Variants in YARS1 observed in about 807,000 individuals in gnomAD.
The protein encoded by YARS1 is tyrosine--tRNA ligase, cytoplasmic.
YARS1 carries 36 observed loss-of-function variants against 62.2 expected under a neutral mutation model. The observed-to-expected ratio is 0.58, with a 90% CI of 0.44 to 0.76. The LOEUF (loss-of-function observed/expected upper bound fraction) is 0.76. Ranked by LOEUF, YARS1 falls within the 30% of genes least tolerant of loss-of-function variation. The pLI is 0.00. For synonymous variants in YARS1, 234 were observed against 244.9 expected, an observed-to-expected ratio of 0.96 and a Z score of 0.42; for missense variants, 524 against 639.8, an observed-to-expected ratio of 0.82 and a Z score of 1.95.
At chr1:32,790,617 G>C (rs542990379) in intron 6 of YARS1, 1 of 151,198 alleles carries the variant, frequency 6.6e-6, no homozygotes. Context: ...AATCTCTATG[G>C]ACAAGGTCTA....
In YARS1 at chr1:32,817,319, C is replaced by T; in HGVS notation, c.-75G>A. Reference sequence around the variant, plus strand: ...CCTGGGTCACCGTCGCCGCCGCGTGCCGGGAACTGTCACGCGAGTCCAGCC... The same window carrying T: ...CCTGGGTCACCGTCGCCGCCGCGTGTCGGGAACTGTCACGCGAGTCCAGCC... On this transcript the variant is annotated 5_prime_UTR_variant, in exon 1 of 13. Transcript: ENST00000373477. 1 of 1,579,418 alleles carries T rather than the reference C, an allele frequency of 6.3e-7. No homozygotes were observed. The highest frequency in any genetic ancestry group is 8.7e-7 in the Non-Finnish European group (1 of 1,153,610).
At chr1:32,799,871 G>A (rs906651033) in intron 4 of YARS1, among the ~76,000 whole-genome samples, 3 of 151,990 alleles carry the variant, frequency 2.0e-5, no homozygotes, top group Non-Finnish European at 2.9e-5. Context: ...GTCTTGCTAC[G>A]TTGCCTAGGC....
chr1:32,797,551 T>G, intron 5 of YARS1: 1 of 589,254 alleles, frequency 1.7e-6, no homozygotes, highest in Non-Finnish European at 3.0e-6. Flanking sequence ...CTCTGGAGTT[T>G]GAAAGATCTG....
intron 8 of YARS1, chr1:32,782,957 T>C (rs529512531): frequency 4.5e-6 from 1 of 222,546 alleles, no homozygotes; most frequent in Admixed American, 5.2e-5. Context: ...CAGATTAGAT[T>C]CCCAGCTAGC....
intron 10 of YARS1, chr1:32,780,628 G>T (rs1289639112): frequency 7.2e-6 from 3 of 419,496 alleles, no homozygotes; most frequent in Non-Finnish European, 1.3e-5. Context: ...GGGAAAAAAA[G>T]CCCAGAACAA....
At chr1:32,801,028 T>G (rs1355117025) in intron 4 of YARS1, among the ~76,000 whole-genome samples, 1 of 152,184 alleles carries the variant, frequency 6.6e-6, no homozygotes, top group Non-Finnish European at 1.5e-5. Context: ...TTTATTTCCT[T>G]TATTAAGATT....
chr1:32,807,307 CAT>C (rs1027707803), intron 3 of YARS1, among the ~76,000 whole-genome samples: 16 of 152,266 alleles, frequency 1.1e-4, no homozygotes, highest in Non-Finnish European at 2.4e-4. Flanking sequence ...CCTACCAACC[CAT>C]ATCTCTTGTG....
intron 12 of YARS1, among the ~76,000 whole-genome samples, chr1:32,778,496 C>G (rs1251341040): frequency 6.6e-6 from 1 of 151,458 alleles, no homozygotes; most frequent in African/African-American, 2.4e-5. Flanking sequence ...GCAAGCTCCA[C>G]CTCCCAGGTT....
intron 4 of YARS1, among the ~76,000 whole-genome samples, chr1:32,800,264 C>T (rs1216767341): frequency 2.0e-5 from 3 of 151,926 alleles, no homozygotes; most frequent in Admixed American, 6.6e-5. Context: ...TTACAGGTGC[C>T]AGCCACTGCG....
At chr1:32,813,414 G>A (rs2148617842) in intron 1 of YARS1, among the ~76,000 whole-genome samples, 1 of 152,310 alleles carries the variant, frequency 6.6e-6, no homozygotes, top group Non-Finnish European at 1.5e-5. Context: ...CGCCTCCAGG[G>A]TTCAAGTGAT....
intron 1 of YARS1, among the ~76,000 whole-genome samples, chr1:32,815,246 G>A (rs544386315): frequency 6.6e-6 from 1 of 152,268 alleles, no homozygotes; most frequent in South Asian, 2.1e-4. Context: ...CTACTCAGGA[G>A]GCTGAGGCAG....
At position 32,785,651 on chromosome 1, in the gene YARS1, C is replaced by T. The variant is rs190072814; in HGVS notation, c.906+711G>A. On this transcript the variant is annotated intron_variant, in intron 8 of 12. Transcript: ENST00000373477. Reference sequence around the variant, plus strand: ...AGGCTGGAGTACAATGGCGCGATCTCGGTTCACTGCAACCTCCGACTCCCA... The same window carrying T: ...AGGCTGGAGTACAATGGCGCGATCTTGGTTCACTGCAACCTCCGACTCCCA... Among the ~76,000 whole-genome samples, 17 of 151,576 alleles carry T rather than the reference C, an allele frequency of 1.1e-4. No individual in the cohort carries two copies. In the East Asian group the frequency reaches 2.4e-3, roughly 21 times the overall value.
intron 5 of YARS1, chr1:32,797,470 C>T (rs1653643005): frequency 2.1e-6 from 1 of 467,850 alleles, no homozygotes; most frequent in South Asian, 2.4e-5. Context: ...TCCTTGGAAA[C>T]TGGGCTATTA....
At chr1:32,786,819 AG>A in intron 7 of YARS1, 120 bp downstream of exon 7, 1 of 1,310,718 alleles carries the variant, frequency 7.6e-7, no homozygotes, top group Admixed American at 2.1e-5. Flanking sequence ...ATAAGAAATC[AG>A]AGCAGAGAAT....
chr1:32,780,810 A>G, intron 10 of YARS1: 1 of 572,520 alleles, frequency 1.7e-6, no homozygotes, highest in South Asian at 1.9e-5. Context: ...CAGATAAACA[A>G]GTTCCCTCTG....
At position 32,779,458 on chromosome 1, in the gene YARS1, A is replaced by C. The variant is rs1652984351; in HGVS notation, c.1400T>G (p.Val467Gly). 14 of 1,614,130 alleles carry C rather than the reference A, an allele frequency of 8.7e-6. No homozygotes were observed. Among genetic ancestry groups the C allele is most frequent in the Non-Finnish European group, 1.2e-5 (14 of 1,180,010 alleles). ...PPAGSAPGEH[V>G]FVKGYEKGQP... ...GCCCTTTTCATAGCCCTTCACAAAC[A>C]CGTGCTCACCAGGAGCAGAGCCTGC... The change falls in exon 12 of 13, where the codon GTG becomes GGG. Residue 467 changes from valine (V) to glycine (G), a missense_variant. By Grantham distance (109) the Val-to-Gly change is moderately radical. Coordinates refer to ENST00000373477, the MANE Select transcript of YARS1 (RefSeq NM_003680.4).
At chr1:32,817,071 G>T in intron 1 of YARS1, 117 bp downstream of exon 1, 1 of 1,323,730 alleles carries the variant, frequency 7.6e-7, no homozygotes, top group Non-Finnish European at 1.1e-6. Context: ...CTCTCTCAGA[G>T]CTGCGCCAGC....
chr1:32,795,409 G>A (rs72880553), intron 5 of YARS1, among the ~76,000 whole-genome samples: 1,995 of 152,292 alleles, frequency 0.013, 46 homozygotes, highest in African/African-American at 0.046. Context: ...GCATTGTTGG[G>A]CAGTGGTAAA....
chr1:32,776,347 A>G lies in YARS1; in HGVS notation c.1477-256T>C, dbSNP rs1250127137. Among the ~76,000 whole-genome samples the G allele has an allele frequency of 9.2e-5, 14 of 152,050 alleles. No individual in the cohort carries two copies. The highest frequency in any genetic ancestry group is 3.4e-4 in the African/African-American group (14 of 41,416). ...CTTTTAGTAGACACGGGGTTTCTCC[A>G]TGTTGGTCAGGCTGGTCTTGAACTC... On this transcript the variant is annotated intron_variant, in intron 12 of 12. Transcript: ENST00000373477. This position sits in a 1 kb window ranked among gnomAD's most constrained non-coding sequence, Gnocchi z 4.0.
Sources: allele counts gnomAD v4.1 joint callset (sites outside exome capture counted in the v4.1 genomes callset), GRCh38; gene constraint gnomAD v4.1.1; non-coding constraint Gnocchi (gnomAD v3.1); transcripts MANE v1.5; gene names NCBI Gene and HGNC (gene_info 2026-07-23, HGNC 2026-07-21).